LNPEP: variants seen among roughly 807,000 people sequenced by gnomAD.
LNPEP encodes the protein leucyl-cystinyl aminopeptidase.
Under a neutral mutation model 120.6 loss-of-function variants are expected in LNPEP, and 64 were observed. The observed-to-expected ratio is 0.53, with a 90% CI of 0.43 to 0.65. The LOEUF (loss-of-function observed/expected upper bound fraction) is 0.65, where lower values mean the gene tolerates loss of function less well. Among genes scored for constraint, LNPEP ranks in the 30% least tolerant of loss-of-function variants. The pLI, the probability that LNPEP is intolerant of heterozygous loss-of-function variation, is 0.00. For synonymous variants in LNPEP, 435 were observed against 425.4 expected (o/e 1.02, Z -0.28); for missense variants, 1,057 against 1,200.0 (o/e 0.88, Z 1.76).
intron 1 of LNPEP, among the ~76,000 whole-genome samples, chr5:96,962,958 C>T (rs1342598795): frequency 6.6e-6 from 1 of 152,072 alleles, no homozygotes; most frequent in Non-Finnish European, 1.5e-5. Context: ...TATGAAGTCA[C>T]GTACAACAAG....
chr5:97,006,307 C>T (rs1179292200), intron 10 of LNPEP, 74 bp downstream of exon 10: 1 of 1,395,246 alleles, frequency 7.2e-7, no homozygotes, highest in East Asian at 2.3e-5. Context: ...GTTTTATAAT[C>T]ATAAGTTCTT....
chr5:97,030,053 C>A lies in LNPEP; in HGVS notation c.*1520C>A, dbSNP rs1791438331. 1 of 151,940 alleles carries A rather than the reference C, an allele frequency of 6.6e-6. No homozygotes were observed. Among genetic ancestry groups the A allele is most frequent in the Admixed American group, 6.6e-5 (1 of 15,264 alleles). The allele number at this position is 151,940 out of a possible 1,614,324, so 9.4% of individuals were successfully genotyped here. A position where few individuals can be genotyped will look rare whatever the true frequency, so the allele number is the denominator to read the frequency against. ...CAGAGTCAGACAGTGGGAAAGGTCA[C>A]CCTTTTTTTATTCGGCAGGTATCAA... is the stretch of plus-strand genomic sequence containing the variant. On this transcript the variant is annotated 3_prime_UTR_variant, in exon 18 of 18. Transcript: ENST00000231368.
At chr5:96,981,914 C>T (rs917753651) in intron 2 of LNPEP, among the ~76,000 whole-genome samples, 3 of 152,020 alleles carry the variant, frequency 2.0e-5, no homozygotes, top group African/African-American at 4.8e-5. Context: ...AATTCAAGAC[C>T]GTTTTTGATC....
At chr5:96,980,870 T>G (rs2112608760) in intron 2 of LNPEP, among the ~76,000 whole-genome samples, 1 of 152,332 alleles carries the variant, frequency 6.6e-6, no homozygotes, top group Non-Finnish European at 1.5e-5. Flanking sequence ...TTTTGATCCT[T>G]CTTAAATGGA....
chr5:97,006,840 G>C (rs1367341979), intron 11 of LNPEP, among the ~76,000 whole-genome samples: 1 of 152,276 alleles, frequency 6.6e-6, no homozygotes, highest in Non-Finnish European at 1.5e-5. Flanking sequence ...GCTATCTACT[G>C]TCTAGGGTTG....
Position 97,028,538 on chromosome 5 carries a change from C to T in LNPEP, c.*5C>T, listed in dbSNP as rs1166043239. Reference sequence around the variant, plus strand: ...AGTCTCACATGGTGGCTGTAGCATGCACAACCGCACCTCATTTTGTTGCCC... The same window carrying T: ...AGTCTCACATGGTGGCTGTAGCATGTACAACCGCACCTCATTTTGTTGCCC... On this transcript the variant is annotated 3_prime_UTR_variant, in exon 18 of 18. Coordinates refer to ENST00000231368, the MANE Select transcript of LNPEP (RefSeq NM_005575.3). 1 of 1,612,766 alleles carries T rather than the reference C, an allele frequency of 6.2e-7. No individual in the cohort carries two copies. The highest frequency in any genetic ancestry group is 8.5e-7 in the Non-Finnish European group (1 of 1,179,242).
chr5:96,988,735 A>T (rs904709845), intron 4 of LNPEP, among the ~76,000 whole-genome samples: 8 of 151,982 alleles, frequency 5.3e-5, no homozygotes, highest in Non-Finnish European at 7.4e-5. Context: ...AGTCATTGGG[A>T]CTACAGACAG....
At chr5:97,022,823 T>A (rs1387611193) in intron 14 of LNPEP, among the ~76,000 whole-genome samples, 23 of 125,768 alleles carry the variant, frequency 1.8e-4, no homozygotes, top group African/African-American at 6.4e-4. Context: ...GAGTGTGATG[T>A]TCCCCTTCCT....
intron 2 of LNPEP, among the ~76,000 whole-genome samples, chr5:96,984,427 A>T (rs1200470021): frequency 6.6e-6 from 1 of 152,082 alleles, no homozygotes; most frequent in East Asian, 1.9e-4. Flanking sequence ...GATTACCCTT[A>T]TGTTGTCTCC....
chr5:96,992,151 A>T (rs1300468347), intron 4 of LNPEP, among the ~76,000 whole-genome samples: 1 of 152,144 alleles, frequency 6.6e-6, no homozygotes, highest in African/African-American at 2.4e-5. Context: ...TAATTTATTC[A>T]TTTAGCCAAA....
intron 6 of LNPEP, among the ~76,000 whole-genome samples, chr5:96,995,123 T>C (rs948110860): frequency 2.6e-5 from 4 of 152,112 alleles, no homozygotes; most frequent in African/African-American, 7.2e-5. Context: ...AAATAGGTCA[T>C]ATAGATAAGA....
At chr5:96,939,687 T>C (rs1789008078) in intron 1 of LNPEP, among the ~76,000 whole-genome samples, 1 of 152,136 alleles carries the variant, frequency 6.6e-6, no homozygotes, top group Admixed American at 6.5e-5. Context: ...GAGGACTTAG[T>C]TGTCTTAAAA....
intron 4 of LNPEP, among the ~76,000 whole-genome samples, chr5:96,988,057 C>A (rs2112618967): frequency 6.6e-6 from 1 of 152,182 alleles, no homozygotes; most frequent in Admixed American, 6.5e-5. Flanking sequence ...GTTCTTAATA[C>A]TCATTGGTAT....
At chr5:97,027,910 A>T in intron 17 of LNPEP, 96 bp downstream of exon 17, 1 of 750,768 alleles carries the variant, frequency 1.3e-6, no homozygotes, top group East Asian at 2.5e-5. Context: ...TTTTCATGCT[A>T]ATTCCTTCTC....
In LNPEP at chr5:96,982,224, G is replaced by A. The variant is rs1195693845; in HGVS notation, c.860+2246G>A. Among the ~76,000 whole-genome samples, 3 of 152,176 alleles carry A rather than the reference G, an allele frequency of 2.0e-5. No individual in the cohort carries two copies. In the South Asian group the frequency reaches 6.2e-4, roughly 32 times the overall value. ...CAGAAGCCACATTCTTCACCACCAT[G>A]GTGCACTGCCTCTCTAGTTCATACT... On this transcript the variant is annotated intron_variant, in intron 2 of 17. Transcript: ENST00000231368.
intron 1 of LNPEP, among the ~76,000 whole-genome samples, chr5:96,947,755 C>T (rs1789221537): frequency 6.6e-6 from 1 of 151,966 alleles, no homozygotes; most frequent in Non-Finnish European, 1.5e-5. Context: ...TATTCCACTG[C>T]AGATAGCAAC....
intron 1 of LNPEP, among the ~76,000 whole-genome samples, chr5:96,938,640 T>C (rs1788979150): frequency 6.6e-6 from 1 of 152,236 alleles, no homozygotes; most frequent in Non-Finnish European, 1.5e-5. Context: ...CCCTGCTCTC[T>C]ACCTGTTGAT....
In LNPEP at chr5:97,028,609, C is replaced by T; in HGVS notation, c.*76C>T. 1 of 1,512,450 alleles carries T rather than the reference C, an allele frequency of 6.6e-7. No individual in the cohort carries two copies. The highest frequency in any genetic ancestry group is 1.2e-5 in the South Asian group (1 of 86,904). 93.7% of individuals were successfully genotyped at this position (1,512,450 alleles called of 1,614,324 possible). A position where few individuals can be genotyped will look rare whatever the true frequency, so the allele number is the denominator to read the frequency against. ...TGGGCTCTGCCGCTTTTGCAAAAGC[C>T]AAGGTAAAGCCAGGATCGCTGCCAA... On this transcript the variant is annotated 3_prime_UTR_variant, in exon 18 of 18. Transcript: ENST00000231368.
intron 1 of LNPEP, 79 bp downstream of exon 1, chr5:96,936,253 G>T: frequency 8.2e-7 from 1 of 1,221,288 alleles, no homozygotes; most frequent in Non-Finnish European, 1.1e-6. Flanking sequence ...ACGCGGGGTC[G>T]GGCTGCAGCC....
Sources: allele counts gnomAD v4.1 joint callset (sites outside exome capture counted in the v4.1 genomes callset), GRCh38; gene constraint gnomAD v4.1.1; transcripts MANE v1.5; gene names NCBI Gene and HGNC (gene_info 2026-07-23, HGNC 2026-07-21).